FBXW8: variants seen among roughly 807,000 people sequenced by gnomAD.
FBXW8 encodes the protein F-box and WD repeat domain containing 8, also known as F-box/WD repeat-containing protein 8.
In FBXW8, 57 loss-of-function variants were observed where a neutral mutation model predicts 65.3. The ratio of observed to expected loss-of-function variants is 0.87; its 90% CI spans 0.71 to 1.09. The LOEUF is 1.09. Ranked by LOEUF, FBXW8 falls within the 50% of genes least tolerant of loss-of-function variation. The pLI, the probability that FBXW8 is intolerant of heterozygous loss-of-function variation, is 0.00. For synonymous variants in FBXW8, 308 were observed against 330.2 expected, an observed-to-expected ratio of 0.93 and a Z score of 0.73; for missense variants, 777 against 814.8, an observed-to-expected ratio of 0.95 and a Z score of 0.57.
At chr12:116,944,814 A>G (rs1017931882) in intron 2 of FBXW8, among the ~76,000 whole-genome samples, 1 of 152,244 alleles carries the variant, frequency 6.6e-6, no homozygotes, top group Admixed American at 6.5e-5. Context: ...ACAGTCCTGG[A>G]TAATGGCTTG....
chr12:116,953,701 A>T (rs1250379335), intron 4 of FBXW8, among the ~76,000 whole-genome samples: 1 of 151,750 alleles, frequency 6.6e-6, no homozygotes, highest in African/African-American at 2.4e-5. Flanking sequence ...TGAACCCAGG[A>T]GGTGGAGCTT....
intron 7 of FBXW8, among the ~76,000 whole-genome samples, chr12:116,994,349 A>G (rs1460623594): frequency 6.6e-6 from 1 of 152,212 alleles, no homozygotes; most frequent in African/African-American, 2.4e-5. Context: ...TACATAGACC[A>G]ATGGAACAGA....
chr12:116,914,355 G>A (rs1331981558), intron 1 of FBXW8, among the ~76,000 whole-genome samples: 1 of 151,668 alleles, frequency 6.6e-6, no homozygotes, highest in Admixed American at 6.6e-5. Context: ...GAGGTGGGTG[G>A]ATGGATCTCT....
In FBXW8 at chr12:117,030,727, C is replaced by G. The variant is rs774379250; in HGVS notation, c.*2555C>G. On this transcript the variant is annotated 3_prime_UTR_variant, in exon 11 of 11. Transcript: ENST00000652555. ...CGTACCTGCCATTCGTGGAAGTCGC[C>G]TGGGTTTTGTAAAGGAGAATTTTTT... is the stretch of plus-strand genomic sequence containing the variant. 1 of 152,172 alleles carries G rather than the reference C, an allele frequency of 6.6e-6. No homozygotes were observed. The highest frequency in any genetic ancestry group is 1.5e-5 in the Non-Finnish European group (1 of 68,028). 9.4% of individuals were successfully genotyped at this position (152,172 alleles called of 1,614,324 possible). A position where few individuals can be genotyped will look rare whatever the true frequency, so the allele number is the denominator to read the frequency against.
intron 5 of FBXW8, among the ~76,000 whole-genome samples, chr12:116,968,773 G>A (rs1884476538): frequency 6.6e-6 from 1 of 152,018 alleles, no homozygotes; most frequent in East Asian, 1.9e-4. Flanking sequence ...TGGTCACCAA[G>A]TGTAGTTTTA....
intron 1 of FBXW8, among the ~76,000 whole-genome samples, chr12:116,926,359 C>T (rs1881326058): frequency 6.6e-6 from 1 of 152,100 alleles, no homozygotes; most frequent in African/African-American, 2.4e-5. Flanking sequence ...TAGGCCTCTC[C>T]ACAATGTCAA....
At chr12:117,011,190 A>G (rs1203432870) in intron 8 of FBXW8, among the ~76,000 whole-genome samples, 1 of 132,740 alleles carries the variant, frequency 7.5e-6, no homozygotes, top group Non-Finnish European at 1.5e-5. Context: ...GAGAGGTAGC[A>G]TGGCTGAGGG....
At chr12:116,988,142 T>G (rs1953142084) in intron 6 of FBXW8, among the ~76,000 whole-genome samples, 1 of 152,248 alleles carries the variant, frequency 6.6e-6, no homozygotes, top group South Asian at 2.1e-4. Flanking sequence ...TAAGACACAA[T>G]TGTACTACAG....
chr12:116,967,634 C>T (rs1884405420), intron 5 of FBXW8, among the ~76,000 whole-genome samples: 2 of 152,176 alleles, frequency 1.3e-5, no homozygotes, highest in Admixed American at 1.3e-4. Context: ...GTTTCTATTT[C>T]TTTCTCTGCA....
rs536476805 is a variant in FBXW8 at position 117,024,403 on chromosome 12, C to T, written c.1541+83C>T. On this transcript the variant is annotated intron_variant, in intron 9 of 10. Coordinates refer to ENST00000652555, the MANE Select transcript of FBXW8 (RefSeq NM_153348.3). ...TAATCAGCCTGCACCAGGCACGGTG[C>T]TAAATGCCCCCTACCCCCCGGCTTC... 1,620 of 1,514,826 alleles carry T rather than the reference C, an allele frequency of 1.1e-3. 3 individuals carry two copies. The highest frequency in any genetic ancestry group is 3.0e-3 in the Middle Eastern group (17 of 5,578). 93.8% of individuals were successfully genotyped at this position (1,514,826 alleles called of 1,614,324 possible).
chr12:117,010,713 T>C (rs1025605432), intron 8 of FBXW8, among the ~76,000 whole-genome samples: 2 of 152,356 alleles, frequency 1.3e-5, no homozygotes, highest in African/African-American at 4.8e-5. Flanking sequence ...TGGTAGAAGG[T>C]CCAGGGAGAC....
At chr12:116,945,556 T>C (rs1317899267) in intron 3 of FBXW8, 28 bp downstream of exon 3, 1 of 1,602,388 alleles carries the variant, frequency 6.2e-7, no homozygotes, top group Admixed American at 1.7e-5. Context: ...TCATTACCTG[T>C]GAAAGAATAG....
intron 8 of FBXW8, among the ~76,000 whole-genome samples, chr12:117,013,765 T>G (rs371666072): frequency 6.6e-6 from 1 of 152,230 alleles, no homozygotes; most frequent in African/African-American, 2.4e-5. Context: ...TATTTTTTAT[T>G]ATCATCAGTG....
intron 8 of FBXW8, among the ~76,000 whole-genome samples, chr12:117,011,741 G>A (rs1365155087): frequency 6.6e-6 from 1 of 152,128 alleles, no homozygotes; most frequent in African/African-American, 2.4e-5. Flanking sequence ...TTGGGATGGT[G>A]GATGGTGCTC....
Position 116,934,004 on chromosome 12 carries a change from A to G in FBXW8, c.423+5877A>G, listed in dbSNP as rs567599097. 2.6e-5 allele frequency among the ~76,000 whole-genome samples: 4 copies of G among 152,278 alleles called. No homozygotes were observed. The South Asian group carries it at 6.2e-4, about 24-fold the overall frequency. On this transcript the variant is annotated intron_variant, in intron 2 of 10. Transcript: ENST00000652555. ...GGGCCAGTTATGTGGAATTGGCACC[A>G]TGAACTAAATGTATGCCCTTGGAGA... is the stretch of plus-strand genomic sequence containing the variant.
intron 8 of FBXW8, among the ~76,000 whole-genome samples, chr12:117,021,084 A>T (rs1954082607): frequency 6.6e-6 from 1 of 152,178 alleles, no homozygotes; most frequent in African/African-American, 2.4e-5. Context: ...TCAGCTGTCT[A>T]GGAGTACCTA....
At chr12:117,002,294 A>G (rs1953544716) in intron 7 of FBXW8, among the ~76,000 whole-genome samples, 1 of 152,238 alleles carries the variant, frequency 6.6e-6, no homozygotes, top group African/African-American at 2.4e-5. Context: ...ACACCGTCCC[A>G]TCCCTGAAAT....
At chr12:116,939,105 T>A (rs555630550) in intron 2 of FBXW8, among the ~76,000 whole-genome samples, 32 of 152,214 alleles carry the variant, frequency 2.1e-4, no homozygotes, top group Non-Finnish European at 3.8e-4. Context: ...ACTGGGCTTT[T>A]GAGATACTCG....
intron 1 of FBXW8, among the ~76,000 whole-genome samples, chr12:116,912,437 A>G (rs371031051): frequency 4.6e-4 from 68 of 147,124 alleles, no homozygotes; most frequent in African/African-American, 1.6e-3. Flanking sequence ...TGATCCTCCC[A>G]ATTGAGAATC....
Sources: allele counts gnomAD v4.1 joint callset (sites outside exome capture counted in the v4.1 genomes callset), GRCh38; gene constraint gnomAD v4.1.1; transcripts MANE v1.5; gene names NCBI Gene and HGNC (gene_info 2026-07-23, HGNC 2026-07-21).